The following NEDD4L variants were observed in gnomAD, a reference collection of about 807,000 sequenced individuals.
NEDD4L encodes the protein E3 ubiquitin-protein ligase NEDD4-like.
Under a neutral mutation model 148.9 loss-of-function variants are expected in NEDD4L, and 54 were observed. The observed-to-expected ratio is 0.36, with a 90% CI of 0.29 to 0.45. NEDD4L has a LOEUF of 0.45. Ranked by LOEUF, NEDD4L falls within the 20% of genes least tolerant of loss-of-function variation. NEDD4L has a pLI of 1.00. For synonymous variants in NEDD4L, 433 were observed against 440.7 expected, an observed-to-expected ratio of 0.98 and a Z score of 0.22; for missense variants, 856 against 1,233.8, an observed-to-expected ratio of 0.69 and a Z score of 4.59.
chr18:58,153,356 T>TA (rs1177926963), intron 1 of NEDD4L, among the ~76,000 whole-genome samples: 91 of 132,080 alleles, frequency 6.9e-4, no homozygotes, highest in African/African-American at 2.4e-3. Context: ...TTTTTTTTTT[T>TA]AAAGACAGAG....
At chr18:58,316,444 C>G (rs1326489397) in intron 6 of NEDD4L, among the ~76,000 whole-genome samples, 2 of 152,228 alleles carry the variant, frequency 1.3e-5, no homozygotes, top group Non-Finnish European at 2.9e-5. Flanking sequence ...CATGCCATTT[C>G]TCTTGGATTC....
At chr18:58,071,567 A>G (rs941807000) in intron 1 of NEDD4L, among the ~76,000 whole-genome samples, 2 of 152,226 alleles carry the variant, frequency 1.3e-5, no homozygotes, top group Non-Finnish European at 1.5e-5. Context: ...CCTGTGTAAC[A>G]TCATCAACCA....
At chr18:58,218,625 A>G (rs1427325478) in intron 2 of NEDD4L, among the ~76,000 whole-genome samples, 1 of 152,156 alleles carries the variant, frequency 6.6e-6, no homozygotes, top group Non-Finnish European at 1.5e-5. Flanking sequence ...TATAAAACTG[A>G]AGTATCTGTC....
chr18:58,393,322 A>T (rs1437465933), intron 30 of NEDD4L, among the ~76,000 whole-genome samples: 1 of 152,158 alleles, frequency 6.6e-6, no homozygotes, highest in Non-Finnish European at 1.5e-5. Context: ...GAAATCACTG[A>T]TGCCTGGAAT....
At chr18:58,320,304 C>T (rs961303189) in intron 6 of NEDD4L, among the ~76,000 whole-genome samples, 12 of 152,188 alleles carry the variant, frequency 7.9e-5, no homozygotes, top group Admixed American at 3.9e-4. Flanking sequence ...TTGTATTGAA[C>T]TCCACATCCA....
At chr18:58,261,512 G>A (rs992938992) in intron 5 of NEDD4L, among the ~76,000 whole-genome samples, 7 of 152,182 alleles carry the variant, frequency 4.6e-5, no homozygotes, top group African/African-American at 9.7e-5. Flanking sequence ...CATAAATGGT[G>A]CAGCTGCTTC....
intron 24 of NEDD4L, among the ~76,000 whole-genome samples, chr18:58,380,753 G>A (rs2048234533): frequency 6.6e-6 from 1 of 152,102 alleles, no homozygotes; most frequent in African/African-American, 2.4e-5. Context: ...GCCCCGGTGT[G>A]TGATGTTCCC....
intron 5 of NEDD4L, among the ~76,000 whole-genome samples, chr18:58,286,170 A>G (rs1267818697): frequency 1.3e-5 from 2 of 152,240 alleles, no homozygotes; most frequent in African/African-American, 4.8e-5. Context: ...AACATAGCCA[A>G]CTATGAATTA....
At chr18:58,165,747 G>C (rs1208680319) in intron 1 of NEDD4L, 41 bp from the exon 2 acceptor site, 2 of 1,565,364 alleles carry the variant, frequency 1.3e-6, no homozygotes, top group Non-Finnish European at 1.8e-6. Context: ...ATTGATTGAA[G>C]ATCAGGTTTT....
chr18:58,307,566 G>A (rs1418600279), intron 5 of NEDD4L, among the ~76,000 whole-genome samples: 6 of 152,138 alleles, frequency 3.9e-5, no homozygotes, highest in Non-Finnish European at 8.8e-5. Flanking sequence ...AGAGTCTTCA[G>A]TAATTGCAAT....
chr18:58,391,175 A>T (rs2049786825), intron 29 of NEDD4L, among the ~76,000 whole-genome samples: 1 of 152,202 alleles, frequency 6.6e-6, no homozygotes, highest in Non-Finnish European at 1.5e-5. Context: ...TCCCACCCAC[A>T]AAACTAGTTT....
intron 5 of NEDD4L, among the ~76,000 whole-genome samples, chr18:58,306,726 A>G (rs577259040): frequency 2.6e-5 from 4 of 152,170 alleles, no homozygotes; most frequent in Middle Eastern, 3.4e-3. Flanking sequence ...TTTGGGTTCA[A>G]GCAATTCTCC....
chr18:58,254,474 C>A (rs2048274439), intron 5 of NEDD4L, among the ~76,000 whole-genome samples: 1 of 149,106 alleles, frequency 6.7e-6, no homozygotes, highest in Non-Finnish European at 1.5e-5. Flanking sequence ...TGTGTCCCAA[C>A]TGTGGTAATA....
chr18:58,364,343 C>T lies in NEDD4L; in HGVS notation c.1833+10C>T. ...GAAATTAAAGAAACCTGTGAGTAAT[C>T]ATGCCTTCCAAAAATGCTTTGTGTT... On this transcript the variant is annotated intron_variant, in intron 20 of 30. Transcript: ENST00000400345. 6.5e-7 allele frequency: 1 copy of T among 1,531,082 alleles called. No homozygotes were observed. The highest frequency in any genetic ancestry group is 8.9e-7 in the Non-Finnish European group (1 of 1,129,626). 94.8% of individuals were successfully genotyped at this position (1,531,082 alleles called of 1,614,324 possible). A position where few individuals can be genotyped will look rare whatever the true frequency, so the allele number is the denominator to read the frequency against.
intron 2 of NEDD4L, among the ~76,000 whole-genome samples, chr18:58,185,061 G>A (rs201830694): frequency 6.6e-5 from 10 of 152,344 alleles, no homozygotes; most frequent in East Asian, 5.8e-4. Context: ...AGGCGTGCAC[G>A]GCGTTAGTCA....
At chr18:58,072,872 GCACACA>G (rs766485355) in intron 1 of NEDD4L, among the ~76,000 whole-genome samples, 1,680 of 131,574 alleles carry the variant, frequency 0.013, 36 homozygotes, top group African/African-American at 0.046. Context: ...GCGCGCGCGC[GCACACA>G]CACACACACA....
In NEDD4L at chr18:58,399,178, A is replaced by G. The variant is rs2050684845; in HGVS notation, c.*2909A>G. The G allele has an allele frequency of 6.6e-6, 1 of 152,126 alleles. No homozygotes were observed. The highest frequency in any genetic ancestry group is 2.1e-4 in the South Asian group (1 of 4,816). 9.4% of individuals were successfully genotyped at this position (152,126 alleles called of 1,614,324 possible). On this transcript the variant is annotated 3_prime_UTR_variant, in exon 31 of 31. Coordinates refer to ENST00000400345, the MANE Select transcript of NEDD4L (RefSeq NM_001144967.3). Reference sequence around the variant, plus strand: ...GCCCGAGGAAGGATGTGGAAAGAGCACCTGGTGGGATGAAGGTCCAACAGC... The same window carrying G: ...GCCCGAGGAAGGATGTGGAAAGAGCGCCTGGTGGGATGAAGGTCCAACAGC...
At chr18:58,385,630 C>T in intron 26 of NEDD4L, 44 bp downstream of exon 26, 1 of 1,501,878 alleles carries the variant, frequency 6.7e-7, no homozygotes, top group Non-Finnish European at 9.3e-7. Context: ...GCCTCTGGTC[C>T]CGGGTCGATG....
intron 1 of NEDD4L, among the ~76,000 whole-genome samples, chr18:58,075,256 T>C (rs2083098554): frequency 1.3e-5 from 2 of 152,168 alleles, no homozygotes; most frequent in Non-Finnish European, 2.9e-5. Context: ...GTTCAAACAG[T>C]TCTCCCGCCT....
Sources: gnomAD v4.1 joint callset for allele counts (sites outside exome capture counted in the v4.1 genomes callset) on GRCh38, gnomAD v4.1.1 for gene constraint, MANE v1.5 for transcripts, NCBI Gene and HGNC (gene_info 2026-07-23, HGNC 2026-07-21) for gene names.